LRCH1: variants seen among roughly 807,000 people sequenced by gnomAD.
The protein encoded by LRCH1 is leucine rich repeats and calponin homology domain containing 1.
Under a neutral mutation model 94.9 loss-of-function variants are expected in LRCH1, and 23 were observed. That is an observed-to-expected ratio of 0.24 (90% CI 0.17 to 0.34). The LOEUF (loss-of-function observed/expected upper bound fraction) is 0.34, where lower values mean the gene tolerates loss of function less well. LRCH1 is among the 10% of genes least tolerant of loss of function. The pLI is 1.00. For synonymous variants in LRCH1, 364 were observed against 354.9 expected (o/e 1.03, Z -0.29); for missense variants, 790 against 945.9 (o/e 0.84, Z 2.16).
chr13:46,666,824 C>T (rs1236322509), intron 2 of LRCH1, among the ~76,000 whole-genome samples: 1 of 152,058 alleles, frequency 6.6e-6, no homozygotes, highest in Non-Finnish European at 1.5e-5. Context: ...AGCAGGGTAA[C>T]AGGAAGACCC....
chr13:46,599,767 A>G (rs1006092026), intron 1 of LRCH1, among the ~76,000 whole-genome samples: 2 of 152,226 alleles, frequency 1.3e-5, no homozygotes, highest in Non-Finnish European at 2.9e-5. Flanking sequence ...ATGTTACCTT[A>G]GAACTGTGGC....
At chr13:46,578,446 G>A (rs575870553) in intron 1 of LRCH1, among the ~76,000 whole-genome samples, 1 of 152,320 alleles carries the variant, frequency 6.6e-6, no homozygotes, top group South Asian at 2.1e-4. Flanking sequence ...TTAAAATTCG[G>A]AGGAAAATAT....
chr13:46,574,186 T>C (rs990916271), intron 1 of LRCH1, among the ~76,000 whole-genome samples: 1 of 151,958 alleles, frequency 6.6e-6, no homozygotes, highest in African/African-American at 2.4e-5. Flanking sequence ...AATATAATTT[T>C]ACAGTAACCT....
At chr13:46,684,022 G>A (rs1386485621) in intron 4 of LRCH1, among the ~76,000 whole-genome samples, 1 of 152,064 alleles carries the variant, frequency 6.6e-6, no homozygotes, top group Admixed American at 6.6e-5. Context: ...CTTTCAATTT[G>A]AGGATGAAAA....
intron 3 of LRCH1, among the ~76,000 whole-genome samples, chr13:46,678,574 ATTGGAC>A (rs1171668750): frequency 6.6e-6 from 1 of 152,212 alleles, no homozygotes; most frequent in Non-Finnish European, 1.5e-5. Flanking sequence ...TGAATGGACA[ATTGGAC>A]TTTGTGTTTT....
chr13:46,733,197 A>G (rs1170583697), intron 18 of LRCH1, among the ~76,000 whole-genome samples: 1 of 152,182 alleles, frequency 6.6e-6, no homozygotes, highest in Admixed American at 6.5e-5. Flanking sequence ...TTAGCAGCAA[A>G]GTGTTCAAAA....
chr13:46,681,521 A>C (rs190658527), intron 3 of LRCH1, among the ~76,000 whole-genome samples: 1 of 152,298 alleles, frequency 6.6e-6, no homozygotes, highest in South Asian at 2.1e-4. Context: ...GAATGCTACT[A>C]ATGTCCACCC....
chr13:46,618,615 G>A (rs1408876660), intron 1 of LRCH1, among the ~76,000 whole-genome samples: 5 of 152,164 alleles, frequency 3.3e-5, no homozygotes, highest in African/African-American at 7.2e-5. Context: ...GGAAAATGAC[G>A]TTGAGAATTG....
intron 4 of LRCH1, among the ~76,000 whole-genome samples, chr13:46,682,221 T>C (rs1593348982): frequency 6.6e-6 from 1 of 151,992 alleles, no homozygotes; most frequent in African/African-American, 2.4e-5. Flanking sequence ...GCCAGCAGGG[T>C]TGGTTCCCTC....
At chr13:46,610,926 A>G (rs1218719551) in intron 1 of LRCH1, among the ~76,000 whole-genome samples, 1 of 152,210 alleles carries the variant, frequency 6.6e-6, no homozygotes, top group Non-Finnish European at 1.5e-5. Flanking sequence ...ATGGTACAGA[A>G]TGTAATTTAT....
In LRCH1 at chr13:46,744,779, A is replaced by G. The variant is rs1873839367; in HGVS notation, c.*2931A>G. 2 of 985,274 alleles carry G rather than the reference A, an allele frequency of 2.0e-6. No individual in the cohort carries two copies. The highest frequency in any genetic ancestry group is 3.5e-5 in the African/African-American group (2 of 57,344). The allele number at this position is 985,274 out of a possible 1,614,324, so 61.0% of individuals were successfully genotyped here. Reference sequence around the variant, plus strand: ...TATTTTAAAATTTTAAGAAACTGAAAGTTGTTTTGGATTAGGTGAAAAATA... The same window carrying G: ...TATTTTAAAATTTTAAGAAACTGAAGGTTGTTTTGGATTAGGTGAAAAATA... On this transcript the variant is annotated 3_prime_UTR_variant, in exon 20 of 20. Transcript: ENST00000389797.
chr13:46,720,586 G>A (rs868588122), intron 16 of LRCH1, among the ~76,000 whole-genome samples: 1 of 150,894 alleles, frequency 6.6e-6, no homozygotes, highest in Non-Finnish European at 1.5e-5. Flanking sequence ...TTATTCCTCT[G>A]GATTAAGTAA....
intron 1 of LRCH1, among the ~76,000 whole-genome samples, chr13:46,644,859 A>T (rs929003507): frequency 6.6e-6 from 1 of 152,238 alleles, no homozygotes; most frequent in African/African-American, 2.4e-5. Context: ...ATAGAATAGC[A>T]TAATTAAAAA....
In LRCH1 at chr13:46,728,930, C is replaced by G. The variant is rs1872963483; in HGVS notation, c.1953C>G (p.Val651=). The change falls in exon 18 of 20, where the codon GTC becomes GTG. Residue 651 remains valine (V), a synonymous_variant. Coordinates refer to ENST00000389797, the MANE Select transcript of LRCH1 (RefSeq NM_001164211.2). ...LMDGVVLCHL[V]NHIRPRSVAS... is the part of the protein sequence containing the mutation. ...ATGGTGTCGTCCTCTGCCATCTGGT[C>G]AACCACATCCGCCCACGGTCGGTTG... The G allele has an allele frequency of 1.2e-6, 2 of 1,613,678 alleles. No homozygotes were observed. Among genetic ancestry groups the G allele is most frequent in the Non-Finnish European group, 1.7e-6 (2 of 1,179,878 alleles).
At chr13:46,662,850 G>A (rs2051467515) in intron 2 of LRCH1, among the ~76,000 whole-genome samples, 1 of 152,184 alleles carries the variant, frequency 6.6e-6, no homozygotes, top group Non-Finnish European at 1.5e-5. Context: ...AATGACTGTT[G>A]CAGAAATTTG....
intron 1 of LRCH1, among the ~76,000 whole-genome samples, chr13:46,616,153 A>G (rs1566178386): frequency 6.6e-6 from 1 of 152,328 alleles, no homozygotes; most frequent in East Asian, 1.9e-4. Context: ...CAGATAAGAA[A>G]AATGGCTTTA....
At chr13:46,722,764 C>T (rs984352027) in intron 16 of LRCH1, among the ~76,000 whole-genome samples, 1 of 152,204 alleles carries the variant, frequency 6.6e-6, no homozygotes, top group Non-Finnish European at 1.5e-5. Flanking sequence ...TTAACTCAGG[C>T]TTACAAAAAA....
rs1177573647 is a variant in LRCH1 at position 46,599,363 on chromosome 13, C to G, written c.307+45660C>G. 2.0e-5 allele frequency among the ~76,000 whole-genome samples: 3 copies of G among 152,076 alleles called. No homozygotes were observed. In the South Asian group the frequency reaches 6.2e-4, roughly 31 times the overall value. On this transcript the variant is annotated intron_variant, in intron 1 of 19. Coordinates refer to ENST00000389797, the MANE Select transcript of LRCH1 (RefSeq NM_001164211.2). ...CAATTTTTTTTTGTTGTTGTATACT[C>G]AGAAGTAGAATTGCTGGATCAGACG...
At chr13:46,596,258 AC>A (rs2050561896) in intron 1 of LRCH1, among the ~76,000 whole-genome samples, 4 of 152,240 alleles carry the variant, frequency 2.6e-5, no homozygotes. Flanking sequence ...CTGAAGAAAC[AC>A]TGTGATCCTA....
Sources: gnomAD v4.1 joint callset for allele counts (sites outside exome capture counted in the v4.1 genomes callset) on GRCh38, gnomAD v4.1.1 for gene constraint, MANE v1.5 for transcripts, NCBI Gene and HGNC (gene_info 2026-07-23, HGNC 2026-07-21) for gene names.